RABL6: variants seen among roughly 807,000 people sequenced by gnomAD.
RABL6 encodes the protein rab-like protein 6.
In RABL6, 28 loss-of-function variants were observed where a neutral mutation model predicts 72.9. The observed-to-expected ratio is 0.38, with a 90% CI of 0.28 to 0.53. The LOEUF (loss-of-function observed/expected upper bound fraction) is 0.53, where lower values mean the gene tolerates loss of function less well. Among genes scored for constraint, RABL6 ranks in the 20% least tolerant of loss-of-function variants. The pLI is 0.80. For missense variants in RABL6, 1,029 were observed against 1,008.4 expected, an observed-to-expected ratio of 1.02 and a Z score of -0.28; for synonymous variants, 477 against 421.2, an observed-to-expected ratio of 1.13 and a Z score of -1.62.
Position 136,839,459 on chromosome 9 carries a change from C to T in RABL6, c.1731C>T (p.Ser577=), listed in dbSNP as rs747823011. The change falls in exon 12 of 15, where the codon AGC becomes AGT. Residue 577 remains serine (S), a synonymous_variant. Transcript: ENST00000311502. ...SFVMDDPDFE[S]EGSDTQRRAD... ...TCATGGATGACCCCGACTTTGAGAGCGAGGGATCAGACACACAGCGCAGGG... is the reference window on the plus strand; with the variant it reads ...TCATGGATGACCCCGACTTTGAGAGTGAGGGATCAGACACACAGCGCAGGG... 58 of 1,612,246 alleles carry T rather than the reference C, an allele frequency of 3.6e-5. No homozygotes were observed. The highest frequency in any genetic ancestry group is 2.2e-4 in the Admixed American group (13 of 59,942).
Position 136,840,345 on chromosome 9 carries a change from G to A in RABL6, c.2013G>A (p.Lys671=), listed in dbSNP as rs1300381730. 7.0e-6 allele frequency: 11 copies of A among 1,567,874 alleles called. No individual in the cohort carries two copies. In the East Asian group the frequency reaches 2.4e-4, roughly 34 times the overall value. The change falls in exon 15 of 15, where the codon AAG becomes AAA. Residue 671 remains lysine, a synonymous_variant. Coordinates refer to ENST00000311502, the MANE Select transcript of RABL6 (RefSeq NM_024718.5). The part of the protein sequence containing the change: ...GKEEEEKAAK[K]KSKHKKSKDK... ...AGGAAGAAGAAAAAGCTGCCAAGAA[G>A]AAGAGCAAACACAAGAAGAGCAAGG...
At chr9:136,818,391 AAAAAAAAAAAAAAC>A (rs1444078643) in intron 1 of RABL6, among the ~76,000 whole-genome samples, 1,264 of 31,380 alleles carry the variant, frequency 0.04, 155 homozygotes, top group East Asian at 0.25. Flanking sequence ...AAAAAAAAAA[AAAAAAAAAAAAAAC>A]CAAAGGTAAG....
At position 136,826,377 on chromosome 9, in the gene RABL6, G is replaced by A. The variant is rs1460164063; in HGVS notation, c.313+551G>A. ...GGGTGGAGCTCATGGCCCTCCCCGGGGCCCATGGTCCGTGTGCATGTGTGG... is the reference window on the plus strand; with the variant it reads ...GGGTGGAGCTCATGGCCCTCCCCGGAGCCCATGGTCCGTGTGCATGTGTGG... On this transcript the variant is annotated intron_variant, in intron 3 of 14. Coordinates refer to ENST00000311502, the MANE Select transcript of RABL6 (RefSeq NM_024718.5). The surrounding 1 kb of genome is among the most constrained non-coding windows in gnomAD (Gnocchi z 4.9). Among the ~76,000 whole-genome samples the A allele has an allele frequency of 6.6e-6, 1 of 152,144 alleles. No homozygotes were observed. Among genetic ancestry groups the A allele is most frequent in the East Asian group, 1.9e-4 (1 of 5,190 alleles).
At chr9:136,834,581 C>T (rs368627629) in intron 7 of RABL6, 54 of 629,940 alleles carry the variant, frequency 8.6e-5, no homozygotes, top group East Asian at 5.6e-4. Context: ...TGGGTTCAAG[C>T]GATTCTCCTG....
intron 5 of RABL6, among the ~76,000 whole-genome samples, chr9:136,831,520 C>T (rs1458878455): frequency 6.6e-6 from 1 of 151,996 alleles, no homozygotes; most frequent in South Asian, 2.1e-4. Context: ...GAGGGACGGG[C>T]GGGGGCTGCA....
In RABL6 at chr9:136,820,611, T is replaced by A. The variant is rs1848216812; in HGVS notation, c.131-2914T>A. Among the ~76,000 whole-genome samples the A allele has an allele frequency of 2.0e-5, 3 of 152,248 alleles. No homozygotes were observed. The South Asian group carries it at 6.2e-4, about 32-fold the overall frequency. ...GTCTCGAACTCCTGAGCTCAGGTGA[T>A]CCGCCCGCCTCGGCCTCCCAAAGTG... On this transcript the variant is annotated intron_variant, in intron 1 of 14. Transcript: ENST00000311502.
Position 136,839,207 on chromosome 9 carries a change from T to C in RABL6, c.1494-15T>C. On this transcript the variant is annotated splice_polypyrimidine_tract_variant and intron_variant, in intron 11 of 14. Transcript: ENST00000311502. The stretch of plus-strand genomic sequence containing the variant: ...CTCCAGAGGACCCTGACTGACCCTC[T>C]GCTTGTCCACAAAGGTCCTCCATAC... 2.5e-6 allele frequency: 4 copies of C among 1,595,192 alleles called. No homozygotes were observed. The highest frequency in any genetic ancestry group is 3.4e-6 in the Non-Finnish European group (4 of 1,170,098).
intron 8 of RABL6, chr9:136,837,128 GCCT>G (rs1441464946): frequency 1.5e-6 from 1 of 688,704 alleles, no homozygotes; most frequent in Non-Finnish European, 2.7e-6. Flanking sequence ...GCCTGCCTTG[GCCT>G]CCTACAGTGC....
chr9:136,826,037 C>T lies in RABL6; in HGVS notation c.313+211C>T, dbSNP rs980958724. Among the ~76,000 whole-genome samples, 3 of 152,328 alleles carry T rather than the reference C, an allele frequency of 2.0e-5. No homozygotes were observed. Among genetic ancestry groups the T allele is most frequent in the Middle Eastern group, 3.4e-3 (1 of 294 alleles). On this transcript the variant is annotated intron_variant, in intron 3 of 14. Transcript: ENST00000311502. This position sits in a 1 kb window ranked among gnomAD's most constrained non-coding sequence, Gnocchi z 4.9. ...GGCACTGCATGCTTTGCTGCTTTAG[C>T]ATACTCCCCGTCTCTGAGTGACCGC... is the stretch of plus-strand genomic sequence containing the variant.
Position 136,837,619 on chromosome 9 carries a change from G to A in RABL6, c.1083G>A (p.Leu361=), listed in dbSNP as rs1365928596. The change falls in exon 9 of 15, where the codon CTG becomes CTA. Residue 361 remains leucine (L), a synonymous_variant. Coordinates refer to ENST00000311502, the MANE Select transcript of RABL6 (RefSeq NM_024718.5). ...PAPRRSIISR[L]FGTSPATEAA... is the part of the protein sequence containing the mutation. The stretch of plus-strand genomic sequence containing the variant: ...CACGGCGCAGCATCATCTCTAGGCT[G>A]TTTGGGACGTCACCTGCCACCGAGG... 2 of 1,598,078 alleles carry A rather than the reference G, an allele frequency of 1.3e-6. No homozygotes were observed. The highest frequency in any genetic ancestry group is 3.4e-5 in the Admixed American group (2 of 58,420).
intron 2 of RABL6, among the ~76,000 whole-genome samples, chr9:136,823,998 T>C (rs939845469): frequency 7.9e-5 from 12 of 152,202 alleles, no homozygotes; most frequent in Admixed American, 7.9e-4. Flanking sequence ...ACATGGTATT[T>C]TTTCTTGGGC....
intron 7 of RABL6, chr9:136,833,466 C>T (rs1286839309): frequency 2.2e-5 from 11 of 507,952 alleles, no homozygotes; most frequent in African/African-American, 2.0e-4. Context: ...ACCTGTACCT[C>T]CTCGCCCTGG....
At chr9:136,837,740 G>A (rs767116407) in intron 9 of RABL6, 78 bp downstream of exon 9, 34 of 1,543,570 alleles carry the variant, frequency 2.2e-5, no homozygotes, top group East Asian at 7.3e-5. Flanking sequence ...ATTTCGGAGC[G>A]CTCCACGCTT....
At chr9:136,833,504 G>A in intron 7 of RABL6, 1 of 632,636 alleles carries the variant, frequency 1.6e-6, no homozygotes, top group South Asian at 1.9e-5. Context: ...TGGGGGACCT[G>A]AACCTCCTCG....
chr9:136,830,461 C>T (rs549234407), intron 5 of RABL6, among the ~76,000 whole-genome samples: 5 of 152,250 alleles, frequency 3.3e-5, no homozygotes, highest in South Asian at 2.1e-4. Context: ...GTGTGGCACA[C>T]GGATGGCAGG....
chr9:136,818,566 A>AC (rs1402241224), intron 1 of RABL6, among the ~76,000 whole-genome samples: 1 of 151,498 alleles, frequency 6.6e-6, no homozygotes, highest in African/African-American at 2.4e-5. Flanking sequence ...ACATAGTGAG[A>AC]CCCCATCTCT....
chr9:136,814,655 G>A (rs1417447221), intron 1 of RABL6: 1 of 152,058 alleles, frequency 6.6e-6, no homozygotes, highest in Admixed American at 6.6e-5. Context: ...GGAGGCTGAA[G>A]CAGGAGAATC....
intron 6 of RABL6, 186 bp from the exon 7 acceptor site, chr9:136,832,079 A>C: frequency 2.2e-6 from 2 of 905,676 alleles, no homozygotes; most frequent in Non-Finnish European, 3.3e-6. Context: ...AAGTGCTGGC[A>C]CTGTGGGGTC....
chr9:136,840,422 G>C lies in RABL6; in HGVS notation c.2090G>C (p.Arg697Pro), dbSNP rs762280001. Reference sequence around the variant, plus strand: ...CGACGGCGGCAGCAGCGGCCCCCGCGCAGCAGGGAGAGGACGGCTGCCGAT... The same window carrying C: ...CGACGGCGGCAGCAGCGGCCCCCGCCCAGCAGGGAGAGGACGGCTGCCGAT... ...ERRRRQQRPP[R>P]SRERTAADEL... The change falls in exon 15 of 15, where the codon CGC (arginine) becomes CCC (proline). Residue 697 changes from arginine (R) to proline (P), a missense_variant. Coordinates refer to ENST00000311502, the MANE Select transcript of RABL6 (RefSeq NM_024718.5). The C allele has an allele frequency of 1.9e-5, 29 of 1,549,704 alleles. No homozygotes were observed. The East Asian group carries it at 7.1e-4, about 38-fold the overall frequency.
Sources: gnomAD v4.1 joint callset for allele counts (sites outside exome capture counted in the v4.1 genomes callset) on GRCh38, gnomAD v4.1.1 for gene constraint, Gnocchi (gnomAD v3.1) non-coding constraint, MANE v1.5 for transcripts, NCBI Gene and HGNC (gene_info 2026-07-23, HGNC 2026-07-21) for gene names.